The following FHIT variants were observed in gnomAD, a reference collection of about 807,000 sequenced individuals.
FHIT encodes the protein fragile histidine triad diadenosine triphosphatase, also known as bis(5'-adenosyl)-triphosphatase.
Under a neutral mutation model 17.9 loss-of-function variants are expected in FHIT, and 19 were observed. That is an observed-to-expected ratio of 1.06 (90% CI 0.74 to 1.56). The LOEUF (loss-of-function observed/expected upper bound fraction) is 1.56, where lower values mean the gene tolerates loss of function less well. Among genes scored for constraint, FHIT ranks in the 40% most tolerant of loss-of-function variants. The pLI is 0.00. For synonymous variants in FHIT, 81 were observed against 69.7 expected, an observed-to-expected ratio of 1.16 and a Z score of -0.81; for missense variants, 248 against 189.2, an observed-to-expected ratio of 1.31 and a Z score of -1.82.
intron 4 of FHIT, among the ~76,000 whole-genome samples, chr3:60,808,754 A>G (rs1242890498): frequency 6.6e-6 from 1 of 152,152 alleles, no homozygotes; most frequent in East Asian, 1.9e-4. Flanking sequence ...ATTGGCTACA[A>G]CTGGTCTAGT....
At chr3:60,367,291 A>T (rs1700146981) in intron 5 of FHIT, among the ~76,000 whole-genome samples, 1 of 152,190 alleles carries the variant, frequency 6.6e-6, no homozygotes. Flanking sequence ...TCTATTTCTC[A>T]ATCAGGAGCC....
rs79071859 is a variant in FHIT, at chr3:60,506,778, C to G, written c.103+30082G>C. Among the ~76,000 whole-genome samples, 1,187 of 151,494 alleles carry G rather than the reference C, an allele frequency of 7.8e-3. 21 individuals carry two copies. The highest frequency in any genetic ancestry group is 0.028 in the African/African-American group (1,133 of 40,846). ...TGGAATGAGAAGACAATGGAGCAGA[C>G]CCAAAGCCAGCTGAGCCCAGCCAAG... is the stretch of plus-strand genomic sequence containing the variant. On this transcript the variant is annotated intron_variant, in intron 5 of 9. Transcript: ENST00000492590.
At chr3:59,864,929 G>C (rs902627448) in intron 8 of FHIT, among the ~76,000 whole-genome samples, 92 of 151,968 alleles carry the variant, frequency 6.1e-4, no homozygotes, top group African/African-American at 2.1e-3. Context: ...TACCATCAAG[G>C]CTGCCTCTCC....
intron 5 of FHIT, among the ~76,000 whole-genome samples, chr3:60,077,695 CACACACACACACA>C (rs1703080831): frequency 1.0e-5 from 1 of 98,766 alleles, no homozygotes; most frequent in African/African-American, 4.9e-5. Context: ...TTCACACACA[CACACACACACACA>C]CACACACACA....
intron 5 of FHIT, among the ~76,000 whole-genome samples, chr3:60,105,065 A>G (rs968374405): frequency 2.0e-5 from 3 of 152,206 alleles, no homozygotes; most frequent in Non-Finnish European, 2.9e-5. Context: ...TACCGTTCAC[A>G]CTTGTACTGT....
chr3:59,986,526 T>TAC, intron 7 of FHIT, among the ~76,000 whole-genome samples: 1 of 4,172 alleles, frequency 2.4e-4, no homozygotes, highest in African/African-American at 5.5e-4. Flanking sequence ...TATATATATA[T>TAC]ATATATATAT....
chr3:60,517,534 T>G (rs2035206072), intron 5 of FHIT, among the ~76,000 whole-genome samples: 1 of 152,184 alleles, frequency 6.6e-6, no homozygotes, highest in African/African-American at 2.4e-5. Flanking sequence ...TCATCAACGG[T>G]CAAAGGGTGG....
chr3:59,994,681 T>C (rs530782198), intron 7 of FHIT, among the ~76,000 whole-genome samples: 21 of 152,016 alleles, frequency 1.4e-4, no homozygotes, highest in Non-Finnish European at 2.5e-4. Context: ...GCAAGTAAAA[T>C]GACGGCCCCA....
intron 2 of FHIT, among the ~76,000 whole-genome samples, chr3:61,175,638 G>A (rs2038135622): frequency 6.6e-6 from 1 of 152,110 alleles, no homozygotes; most frequent in Non-Finnish European, 1.5e-5. Flanking sequence ...TCTCATGACT[G>A]GGATTAGCAC....
intron 5 of FHIT, among the ~76,000 whole-genome samples, chr3:60,138,189 G>A (rs932865875): frequency 5.3e-5 from 8 of 152,108 alleles, no homozygotes; most frequent in African/African-American, 4.8e-5. Context: ...TTAACATGAC[G>A]CAAAGGAAGT....
chr3:60,571,176 A>G (rs1450681026), intron 4 of FHIT, among the ~76,000 whole-genome samples: 1 of 151,786 alleles, frequency 6.6e-6, no homozygotes, highest in African/African-American at 2.4e-5. Flanking sequence ...TCTCTACTAA[A>G]AATACAAAAA....
chr3:60,597,999 C>T (rs782531298), intron 4 of FHIT, among the ~76,000 whole-genome samples: 17 of 152,068 alleles, frequency 1.1e-4, no homozygotes, highest in Non-Finnish European at 1.0e-4. Context: ...CAAGAAGAAT[C>T]ATACATTGAG....
At chr3:60,614,588 A>G (rs537698598) in intron 4 of FHIT, among the ~76,000 whole-genome samples, 20 of 151,940 alleles carry the variant, frequency 1.3e-4, no homozygotes, top group Non-Finnish European at 2.5e-4. Context: ...AGCCTGGACA[A>G]GAACAAAACA....
intron 5 of FHIT, among the ~76,000 whole-genome samples, chr3:60,385,762 G>T (rs1368747902): frequency 6.6e-6 from 1 of 152,010 alleles, no homozygotes; most frequent in Non-Finnish European, 1.5e-5. Flanking sequence ...TTTTCTGGTA[G>T]AGATGGTGTC....
At chr3:60,575,669 A>T (rs549007305) in intron 4 of FHIT, among the ~76,000 whole-genome samples, 1 of 152,336 alleles carries the variant, frequency 6.6e-6, no homozygotes, top group East Asian at 1.9e-4. Flanking sequence ...AAGAGAACTT[A>T]CAAACATAAG....
At chr3:60,619,600 C>CAAAAAAAAAAAAAAAAAAA (rs57198487) in intron 4 of FHIT, among the ~76,000 whole-genome samples, 1 of 88,692 alleles carries the variant, frequency 1.1e-5, no homozygotes. Flanking sequence ...TACCCACATG[C>CAAAAAAAAAAAAAAAAAAA]AAAAAAAAAA....
At chr3:60,870,987 G>C (rs58743358) in intron 3 of FHIT, among the ~76,000 whole-genome samples, 1,633 of 152,122 alleles carry the variant, frequency 0.011, 33 homozygotes, top group African/African-American at 0.036. Context: ...GTCTACATTT[G>C]TTACCTTACT....
At chr3:60,718,291 C>A (rs978656397) in intron 4 of FHIT, among the ~76,000 whole-genome samples, 2 of 152,126 alleles carry the variant, frequency 1.3e-5, no homozygotes, top group East Asian at 3.9e-4. Flanking sequence ...AAAAATGACT[C>A]AATGTAAATG....
chr3:60,210,232 G>A (rs1703386600), intron 5 of FHIT, among the ~76,000 whole-genome samples: 3 of 152,016 alleles, frequency 2.0e-5, no homozygotes, highest in Admixed American at 2.0e-4. Context: ...TGAACTGTTG[G>A]GATAAGTGGA....
Sources: gnomAD v4.1 joint callset for allele counts (sites outside exome capture counted in the v4.1 genomes callset) on GRCh38, gnomAD v4.1.1 for gene constraint, MANE v1.5 for transcripts, NCBI Gene and HGNC (gene_info 2026-07-23, HGNC 2026-07-21) for gene names.